Variants in ESR1 observed in about 807,000 individuals in gnomAD.
ESR1 encodes the protein estrogen receptor 1.
ESR1 carries 12 observed loss-of-function variants against 52.7 expected under a neutral mutation model. The ratio of observed to expected loss-of-function variants is 0.23; its 90% CI spans 0.15 to 0.37. The LOEUF is 0.37. Among genes scored for constraint, ESR1 ranks in the 10% least tolerant of loss-of-function variants. The pLI is 1.00. For synonymous variants in ESR1, 305 were observed against 316.8 expected (o/e 0.96, Z 0.39); for missense variants, 584 against 779.7 (o/e 0.75, Z 2.99).
intron 1 of ESR1, among the ~76,000 whole-genome samples, chr6:151,668,269 GA>G (rs1777899435): frequency 6.8e-6 from 1 of 146,376 alleles, no homozygotes; most frequent in East Asian, 2.1e-4. Flanking sequence ...GGCAAAAGAG[GA>G]AAAACCCTTT....
At chr6:151,764,990 C>T (rs1784936127) in intron 2 of ESR1, among the ~76,000 whole-genome samples, 1 of 152,124 alleles carries the variant, frequency 6.6e-6, no homozygotes, top group African/African-American at 2.4e-5. Context: ...CTGTCAGCCA[C>T]ACGTGTCGTT....
intron 2 of ESR1, among the ~76,000 whole-genome samples, chr6:151,872,209 G>A (rs1197631655): frequency 3.9e-5 from 6 of 152,120 alleles, no homozygotes; most frequent in African/African-American, 7.2e-5. Context: ...TTACAACAGC[G>A]TGCTGGGAGG....
At chr6:151,693,365 G>A (rs758416624) in intron 1 of ESR1, among the ~76,000 whole-genome samples, 40 of 152,276 alleles carry the variant, frequency 2.6e-4, no homozygotes, top group South Asian at 4.1e-4. Flanking sequence ...TCAACTGAGC[G>A]TACCATCTGT....
At chr6:151,949,453 TGTG>T (rs1297136465) in intron 4 of ESR1, among the ~76,000 whole-genome samples, 1 of 152,198 alleles carries the variant, frequency 6.6e-6, no homozygotes, top group Non-Finnish European at 1.5e-5. Context: ...CTCAAACTGT[TGTG>T]GTGTCCAGCA....
chr6:152,105,299 T>C (rs2051049865), downstream of ESR1, among the ~76,000 whole-genome samples: 1 of 152,186 alleles, frequency 6.6e-6, no homozygotes, highest in Non-Finnish European at 1.5e-5. Context: ...GCAATTGGTG[T>C]CTGAGATGGG....
intron 6 of ESR1, among the ~76,000 whole-genome samples, chr6:152,093,575 G>A (rs2152493696): frequency 6.6e-6 from 1 of 152,228 alleles, no homozygotes; most frequent in South Asian, 2.1e-4. Flanking sequence ...CTGTCCAGAG[G>A]CACCAGGCAC....
chr6:152,114,582 A>G (rs2051184097), intron 6 of ESR1, among the ~76,000 whole-genome samples: 1 of 152,154 alleles, frequency 6.6e-6, no homozygotes, highest in African/African-American at 2.4e-5. Context: ...CATACCAAGA[A>G]AAGTTTTTTA....
At chr6:152,113,283 CTG>C (rs1462497944) in intron 6 of ESR1, 8 of 152,230 alleles carry the variant, frequency 5.3e-5, no homozygotes, top group Non-Finnish European at 8.8e-5. Flanking sequence ...CAGGCAGGGA[CTG>C]TAATTCCCTG....
At chr6:152,058,715 C>T (rs2128950102) in intron 5 of ESR1, among the ~76,000 whole-genome samples, 1 of 152,252 alleles carries the variant, frequency 6.6e-6, no homozygotes, top group Non-Finnish European at 1.5e-5. Context: ...TCTTTACTGA[C>T]AGTGCCCATG....
rs186115283 is a variant in ESR1, at chr6:152,082,813, C to A, written c.1370-11572C>A. Among the ~76,000 whole-genome samples the A allele has an allele frequency of 3.0e-3, 450 of 152,268 alleles. 2 individuals carry two copies. Among genetic ancestry groups the A allele is most frequent in the Non-Finnish European group, 4.9e-3 (334 of 68,020 alleles). ...CAAAAATCACAGGCATTCCTGTACA[C>A]CAATAATAGACAAACAGAGAGCCAA... is the stretch of plus-strand genomic sequence containing the variant. On this transcript the variant is annotated intron_variant, in intron 6 of 7. Transcript: ENST00000206249.
intron 2 of ESR1, among the ~76,000 whole-genome samples, chr6:151,850,045 T>TTTGTATATATATATAAAA (rs1562474128): frequency 1.1e-3 from 25 of 22,596 alleles, no homozygotes; most frequent in African/African-American, 2.9e-3. Context: ...TATATATAAT[T>TTTGTATATATATATAAAA]TTATATATAT....
chr6:152,002,394 T>C (rs2042028681), intron 4 of ESR1, among the ~76,000 whole-genome samples: 1 of 152,030 alleles, frequency 6.6e-6, no homozygotes, highest in Non-Finnish European at 1.5e-5. Context: ...TTGTAGTGTT[T>C]ACCAGGAGCA....
At chr6:152,082,649 G>T (rs922682403) in intron 6 of ESR1, among the ~76,000 whole-genome samples, 1 of 152,106 alleles carries the variant, frequency 6.6e-6, no homozygotes, top group East Asian at 1.9e-4. Context: ...AGGGTATTCA[G>T]TTAGGAAAAG....
At chr6:152,015,315 T>C (rs1450187758) in intron 5 of ESR1, among the ~76,000 whole-genome samples, 2 of 152,184 alleles carry the variant, frequency 1.3e-5, no homozygotes, top group Non-Finnish European at 2.9e-5. Flanking sequence ...GGTGCCGTCT[T>C]TTTATAAAAT....
chr6:152,058,212 TAA>T (rs11285053), intron 5 of ESR1, among the ~76,000 whole-genome samples: 1 of 150,826 alleles, frequency 6.6e-6, no homozygotes, highest in South Asian at 2.1e-4. Flanking sequence ...ATGAACTGCT[TAA>T]AAAAAAAATT....
chr6:151,745,246 C>G (rs1269639187), intron 2 of ESR1, among the ~76,000 whole-genome samples: 1 of 152,128 alleles, frequency 6.6e-6, no homozygotes, highest in Non-Finnish European at 1.5e-5. Flanking sequence ...ACTTGCTACC[C>G]CATCCCAGCC....
chr6:152,055,957 T>G (rs1325515514), intron 5 of ESR1, among the ~76,000 whole-genome samples: 1 of 152,206 alleles, frequency 6.6e-6, no homozygotes, highest in Non-Finnish European at 1.5e-5. Context: ...TAATTGCAAC[T>G]TACAGTACGT....
chr6:152,097,735 C>T (rs2050734392), intron 7 of ESR1, among the ~76,000 whole-genome samples: 2 of 151,866 alleles, frequency 1.3e-5, no homozygotes, highest in African/African-American at 4.8e-5. Context: ...TGCCCATTTC[C>T]CGCTGCCCAT....
intron 4 of ESR1, among the ~76,000 whole-genome samples, chr6:151,991,724 A>T (rs1379086118): frequency 6.6e-6 from 1 of 152,138 alleles, no homozygotes; most frequent in Non-Finnish European, 1.5e-5. Flanking sequence ...GCAGAAGCTT[A>T]GAAGTACTTC....
Sources: allele counts gnomAD v4.1 joint callset (sites outside exome capture counted in the v4.1 genomes callset), GRCh38; gene constraint gnomAD v4.1.1; transcripts MANE v1.5; gene names NCBI Gene and HGNC (gene_info 2026-07-23, HGNC 2026-07-21).